The following DYM variants were observed in gnomAD, a reference collection of about 807,000 sequenced individuals.
The protein encoded by DYM is dymeclin, also known as dyggve-Melchior-Clausen syndrome protein.
Under a neutral mutation model 93.1 loss-of-function variants are expected in DYM, and 78 were observed. The observed-to-expected ratio is 0.84, with a 90% CI of 0.70 to 1.01. The LOEUF (loss-of-function observed/expected upper bound fraction) is 1.01. Ranked by LOEUF, DYM falls within the 50% of genes least tolerant of loss-of-function variation. The pLI is 0.00. For synonymous variants in DYM, 321 were observed against 319.7 expected (o/e 1.00, Z -0.04); for missense variants, 789 against 845.0 (o/e 0.93, Z 0.82).
intron 17 of DYM, among the ~76,000 whole-genome samples, chr18:49,057,284 C>T (rs2075582197): frequency 6.6e-6 from 1 of 152,208 alleles, no homozygotes; most frequent in South Asian, 2.1e-4. Flanking sequence ...AGCAGTGATG[C>T]TGACCAATCA....
intron 17 of DYM, among the ~76,000 whole-genome samples, chr18:49,082,971 A>G (rs1323297841): frequency 1.3e-5 from 2 of 152,250 alleles, no homozygotes; most frequent in African/African-American, 2.4e-5. Flanking sequence ...TTATATTCCT[A>G]GTTGTGTGAG....
chr18:49,185,433 G>T (rs974414190), intron 14 of DYM, among the ~76,000 whole-genome samples: 20 of 152,126 alleles, frequency 1.3e-4, no homozygotes, highest in Non-Finnish European at 2.4e-4. Context: ...TGAAAAGTAA[G>T]AACAGTCTAG....
intron 17 of DYM, among the ~76,000 whole-genome samples, chr18:49,066,640 A>T (rs147647880): frequency 6.6e-6 from 1 of 152,310 alleles, no homozygotes; most frequent in African/African-American, 2.4e-5. Flanking sequence ...AGTGGGAGAG[A>T]GTATGCATAT....
intron 14 of DYM, among the ~76,000 whole-genome samples, chr18:49,188,136 T>C (rs2090625202): frequency 6.6e-6 from 1 of 152,336 alleles, no homozygotes; most frequent in South Asian, 2.1e-4. Context: ...AAAGCAATCA[T>C]TTTAAGCGTT....
At chr18:49,196,993 G>A (rs775797350) in intron 14 of DYM, among the ~76,000 whole-genome samples, 28 of 152,172 alleles carry the variant, frequency 1.8e-4, no homozygotes, top group Admixed American at 3.3e-4. Flanking sequence ...TAGTGAGGAT[G>A]AATACAGCAG....
chr18:49,066,020 C>T (rs1052393953), intron 17 of DYM, among the ~76,000 whole-genome samples: 2 of 152,142 alleles, frequency 1.3e-5, no homozygotes, highest in Admixed American at 1.3e-4. Context: ...CTCCTCCCCA[C>T]TTTATAAAAA....
intron 3 of DYM, among the ~76,000 whole-genome samples, chr18:49,386,432 A>C (rs945413797): frequency 2.0e-5 from 3 of 152,186 alleles, no homozygotes; most frequent in African/African-American, 7.2e-5. Flanking sequence ...TATTAATAGC[A>C]TGTCCCCTTG....
intron 6 of DYM, among the ~76,000 whole-genome samples, chr18:49,360,448 C>T (rs1029987203): frequency 7.2e-5 from 11 of 151,946 alleles, no homozygotes; most frequent in Non-Finnish European, 1.5e-4. Context: ...ATGGTGAAAC[C>T]CTATCTCTAC....
At chr18:49,106,370 C>G (rs1304729806) in intron 16 of DYM, among the ~76,000 whole-genome samples, 1 of 152,174 alleles carries the variant, frequency 6.6e-6, no homozygotes, top group African/African-American at 2.4e-5. Flanking sequence ...ATTTGCCAGT[C>G]TGTGTCTTTT....
intron 13 of DYM, among the ~76,000 whole-genome samples, chr18:49,219,539 A>G (rs2093251734): frequency 6.6e-6 from 1 of 152,178 alleles, no homozygotes; most frequent in Non-Finnish European, 1.5e-5. Flanking sequence ...CCAGCAGCAC[A>G]TCAAAAAGCT....
At chr18:49,100,940 T>C (rs2080073920) in intron 16 of DYM, among the ~76,000 whole-genome samples, 1 of 152,226 alleles carries the variant, frequency 6.6e-6, no homozygotes. Flanking sequence ...ATAGGAGATA[T>C]CTAAGTGAAA....
At chr18:49,083,787 T>C (rs1268354045) in intron 17 of DYM, among the ~76,000 whole-genome samples, 1 of 152,194 alleles carries the variant, frequency 6.6e-6, no homozygotes, top group Non-Finnish European at 1.5e-5. Context: ...TTCATTTCAA[T>C]TTGTTTCTAA....
intron 17 of DYM, among the ~76,000 whole-genome samples, chr18:49,089,438 CTACTT>C (rs2078847388): frequency 6.6e-6 from 1 of 152,138 alleles, no homozygotes; most frequent in South Asian, 2.1e-4. Flanking sequence ...TTAAAGGAAT[CTACTT>C]TAAGGATCAC....
At chr18:49,096,734 A>G (rs2079579982) in intron 17 of DYM, among the ~76,000 whole-genome samples, 1 of 152,210 alleles carries the variant, frequency 6.6e-6, no homozygotes, top group Non-Finnish European at 1.5e-5. Flanking sequence ...AAACAGATGT[A>G]AATGCCTTCT....
chr18:49,163,860 G>T, intron 14 of DYM, 73 bp from the exon 15 acceptor site: 22 of 918,056 alleles, frequency 2.4e-5, no homozygotes, highest in Non-Finnish European at 3.5e-5. Flanking sequence ...GAAATATATA[G>T]TTCCACAGCA....
At chr18:49,267,557 C>G (rs1788117) in intron 11 of DYM, among the ~76,000 whole-genome samples, 120,005 of 152,108 alleles carry the variant, frequency 0.79, 47,471 homozygotes, top group Admixed American at 0.83. Context: ...GCAAGATGAG[C>G]GATATAATTC....
chr18:49,313,706 G>A (rs1052110365), intron 8 of DYM, among the ~76,000 whole-genome samples: 1 of 152,014 alleles, frequency 6.6e-6, no homozygotes, highest in Middle Eastern at 3.2e-3. Context: ...TCACTTTACT[G>A]TATGGATTCA....
Position 49,311,312 on chromosome 18 carries a change from G to A in DYM, c.763+20552C>T, listed in dbSNP as rs551072864. ...TTATTATCAGTGAGATCCACACCAAGAGTATAAATAAGAGAGCCAACACAA... is the reference window on the plus strand; with the variant it reads ...TTATTATCAGTGAGATCCACACCAAAAGTATAAATAAGAGAGCCAACACAA... On this transcript the variant is annotated intron_variant, in intron 8 of 17. Coordinates refer to ENST00000675505, the MANE Select transcript of DYM (RefSeq NM_001353214.3). Among the ~76,000 whole-genome samples the A allele has an allele frequency of 2.0e-5, 3 of 152,322 alleles. No individual in the cohort carries two copies. In the East Asian group the frequency reaches 5.8e-4, roughly 29 times the overall value.
intron 17 of DYM, among the ~76,000 whole-genome samples, chr18:49,063,235 A>G (rs1001956101): frequency 7.9e-5 from 12 of 152,184 alleles, no homozygotes; most frequent in African/African-American, 2.2e-4. Context: ...GTCCAGGGAG[A>G]AACCACATGA....
Sources: gnomAD v4.1 joint callset for allele counts (sites outside exome capture counted in the v4.1 genomes callset) on GRCh38, gnomAD v4.1.1 for gene constraint, MANE v1.5 for transcripts, NCBI Gene and HGNC (gene_info 2026-07-23, HGNC 2026-07-21) for gene names.